DCC: variants seen among roughly 807,000 people sequenced by gnomAD.
DCC encodes DCC netrin 1 receptor.
Under a neutral mutation model 172.5 loss-of-function variants are expected in DCC, and 58 were observed. The observed-to-expected ratio is 0.34, with a 90% CI of 0.27 to 0.42. DCC has a LOEUF of 0.42. Among genes scored for constraint, DCC ranks in the 10% least tolerant of loss-of-function variants. DCC has a pLI of 1.00. For missense variants in DCC, 1,740 were observed against 1,791.0 expected (o/e 0.97, Z 0.51); for synonymous variants, 709 against 644.5 (o/e 1.10, Z -1.52).
At chr18:52,382,029 T>C (rs894745226) in intron 1 of DCC, among the ~76,000 whole-genome samples, 1 of 152,164 alleles carries the variant, frequency 6.6e-6, no homozygotes, top group African/African-American at 2.4e-5. Context: ...TATCTTTGGA[T>C]GAGGATCTAA....
At chr18:53,080,408 C>T (rs2042783407) in intron 7 of DCC, among the ~76,000 whole-genome samples, 1 of 152,114 alleles carries the variant, frequency 6.6e-6, no homozygotes, top group Non-Finnish European at 1.5e-5. Flanking sequence ...CAATGACAGA[C>T]TCTCAATGAC....
At chr18:52,781,717 A>G (rs914741591) in intron 2 of DCC, among the ~76,000 whole-genome samples, 3 of 152,172 alleles carry the variant, frequency 2.0e-5, no homozygotes, top group Non-Finnish European at 2.9e-5. Context: ...ACAGCTATAG[A>G]GATCTTTATG....
intron 2 of DCC, among the ~76,000 whole-genome samples, chr18:52,896,634 A>G (rs1486766187): frequency 2.6e-5 from 4 of 152,226 alleles, no homozygotes; most frequent in Admixed American, 2.0e-4. Context: ...AATAGATATT[A>G]TAATATAGCT....
At chr18:53,173,362 T>C (rs1010458433) in intron 8 of DCC, among the ~76,000 whole-genome samples, 3 of 152,150 alleles carry the variant, frequency 2.0e-5, no homozygotes, top group African/African-American at 7.2e-5. Flanking sequence ...GGGTGCTTTT[T>C]CTCTATTGTG....
At chr18:52,433,922 C>T (rs1598814900) in intron 1 of DCC, among the ~76,000 whole-genome samples, 1 of 152,140 alleles carries the variant, frequency 6.6e-6, no homozygotes, top group Non-Finnish European at 1.5e-5. Flanking sequence ...AGAGTTGAAC[C>T]TAAGAATGTC....
At chr18:53,468,450 T>C (rs548670278) in intron 25 of DCC, among the ~76,000 whole-genome samples, 1 of 151,818 alleles carries the variant, frequency 6.6e-6, no homozygotes, top group South Asian at 2.1e-4. Context: ...TGGCACAATC[T>C]TGGCTCACTG....
At chr18:53,421,214 T>C (rs1910629585) in intron 21 of DCC, among the ~76,000 whole-genome samples, 2 of 152,206 alleles carry the variant, frequency 1.3e-5, no homozygotes, top group South Asian at 4.1e-4. Context: ...CTTTGAGATG[T>C]CTTTGTATGA....
chr18:53,010,102 A>G (rs929548498), intron 5 of DCC, among the ~76,000 whole-genome samples: 23 of 151,966 alleles, frequency 1.5e-4, no homozygotes, highest in African/African-American at 5.3e-4. Flanking sequence ...TAATGTTGCA[A>G]TTAATCTCTG....
At chr18:52,690,686 C>A (rs574116717) in intron 1 of DCC, among the ~76,000 whole-genome samples, 3 of 152,070 alleles carry the variant, frequency 2.0e-5, no homozygotes, top group Middle Eastern at 3.4e-3. Context: ...GACCAAGTGG[C>A]GTGTCCAAAA....
At chr18:52,691,854 A>T (rs539035011) in intron 1 of DCC, among the ~76,000 whole-genome samples, 1 of 152,064 alleles carries the variant, frequency 6.6e-6, no homozygotes, top group South Asian at 2.1e-4. Flanking sequence ...TCTGCACTCA[A>T]ATGTTAATTT....
At chr18:52,619,221 A>T (rs918695880) in intron 1 of DCC, among the ~76,000 whole-genome samples, 4 of 152,158 alleles carry the variant, frequency 2.6e-5, no homozygotes, top group African/African-American at 9.7e-5. Flanking sequence ...CATTGTTTTA[A>T]TCTACTAAGA....
intron 21 of DCC, among the ~76,000 whole-genome samples, chr18:53,419,395 T>C (rs1488659745): frequency 6.6e-6 from 1 of 152,148 alleles, no homozygotes; most frequent in Non-Finnish European, 1.5e-5. Flanking sequence ...TATTTCTAAC[T>C]ATATTTTTAT....
At chr18:53,273,056 A>G (rs2056766264) in intron 12 of DCC, among the ~76,000 whole-genome samples, 1 of 152,150 alleles carries the variant, frequency 6.6e-6, no homozygotes, top group Non-Finnish European at 1.5e-5. Context: ...CCATTATTCA[A>G]TGGAAATAAT....
intron 21 of DCC, among the ~76,000 whole-genome samples, chr18:53,429,784 G>A (rs755736177): frequency 2.6e-5 from 4 of 152,082 alleles, no homozygotes; most frequent in African/African-American, 4.8e-5. Context: ...ATATTGGACA[G>A]GCATAGCAGT....
At chr18:53,007,069 A>G (rs1230347602) in intron 5 of DCC, among the ~76,000 whole-genome samples, 1 of 152,212 alleles carries the variant, frequency 6.6e-6, no homozygotes, top group Non-Finnish European at 1.5e-5. Flanking sequence ...AAATGAACAA[A>G]CAAAAAGCAG....
intron 2 of DCC, among the ~76,000 whole-genome samples, chr18:52,862,183 C>T (rs542798343): frequency 2.6e-5 from 4 of 152,176 alleles, no homozygotes; most frequent in African/African-American, 9.6e-5. Context: ...AGATAAACCT[C>T]GTATGTTCCT....
chr18:53,240,040 A>AAAC (rs1568385331), intron 12 of DCC, among the ~76,000 whole-genome samples: 7 of 142,496 alleles, frequency 4.9e-5, no homozygotes, highest in Admixed American at 2.3e-4. Flanking sequence ...AAAAAAAAAA[A>AAAC]AAAAAAAAAA....
intron 5 of DCC, among the ~76,000 whole-genome samples, chr18:53,007,515 C>T (rs1178298578): frequency 6.6e-6 from 1 of 152,036 alleles, no homozygotes; most frequent in East Asian, 1.9e-4. Context: ...TTTGGAATCA[C>T]AGTGAACAAT....
At chr18:53,116,164 C>G (rs2043406009) in intron 7 of DCC, among the ~76,000 whole-genome samples, 1 of 151,590 alleles carries the variant, frequency 6.6e-6, no homozygotes. Flanking sequence ...TTCTTGGCCA[C>G]TTGAACAAAG....
Sources: gnomAD v4.1 joint callset for allele counts (sites outside exome capture counted in the v4.1 genomes callset) on GRCh38, gnomAD v4.1.1 for gene constraint, MANE v1.5 for transcripts, NCBI Gene and HGNC (gene_info 2026-07-23, HGNC 2026-07-21) for gene names.